Variants in LEKR1 observed in about 807,000 individuals in gnomAD.
LEKR1 encodes the protein protein LEKR1.
A neutral mutation model predicts 72.4 loss-of-function variants in LEKR1; 59 were observed. The observed-to-expected ratio is 0.82, with a 90% CI of 0.66 to 1.01. LEKR1 has a LOEUF of 1.01. LEKR1 is among the 50% of genes least tolerant of loss of function. The pLI is 0.00. For synonymous variants in LEKR1, 257 were observed against 263.2 expected (o/e 0.98, Z 0.23); for missense variants, 728 against 759.2 (o/e 0.96, Z 0.48).
At chr3:156,882,276 A>G (rs1418427916) in intron 3 of LEKR1, among the ~76,000 whole-genome samples, 2 of 151,624 alleles carry the variant, frequency 1.3e-5, no homozygotes, top group Non-Finnish European at 3.0e-5. Context: ...AATATCCAGA[A>G]TCTACAATGA....
At chr3:156,971,129 T>C (rs2107992188) in intron 6 of LEKR1, among the ~76,000 whole-genome samples, 1 of 152,284 alleles carries the variant, frequency 6.6e-6, no homozygotes, top group African/African-American at 2.4e-5. Context: ...ATGGTACTGG[T>C]ACTGAAATAG....
intron 12 of LEKR1, among the ~76,000 whole-genome samples, chr3:157,035,293 G>A (rs2108042817): frequency 6.6e-6 from 1 of 152,180 alleles, no homozygotes; most frequent in Non-Finnish European, 1.5e-5. Context: ...ATGTAAGGGT[G>A]GAATTGAAAA....
chr3:156,998,957 G>T (rs1731799326), intron 9 of LEKR1, among the ~76,000 whole-genome samples: 2 of 152,156 alleles, frequency 1.3e-5, no homozygotes, highest in Non-Finnish European at 2.9e-5. Context: ...GAGGGACCCA[G>T]TGGTGGTGAT....
intron 2 of LEKR1, among the ~76,000 whole-genome samples, chr3:156,846,549 G>A (rs1294783063): frequency 2.6e-5 from 4 of 152,024 alleles, no homozygotes; most frequent in African/African-American, 9.7e-5. Flanking sequence ...GCTTTATGAA[G>A]TAGTCAGGTG....
intron 3 of LEKR1, among the ~76,000 whole-genome samples, chr3:156,884,268 A>G (rs983631841): frequency 2.0e-5 from 3 of 151,988 alleles, no homozygotes; most frequent in South Asian, 4.1e-4. Flanking sequence ...GTCCATTTAC[A>G]TTCAACATTA....
intron 12 of LEKR1, among the ~76,000 whole-genome samples, chr3:157,035,156 A>G (rs756085094): frequency 2.6e-5 from 4 of 152,200 alleles, no homozygotes; most frequent in African/African-American, 4.8e-5. Context: ...GTATGTTGTA[A>G]ACATAATTTT....
intron 3 of LEKR1, among the ~76,000 whole-genome samples, chr3:156,912,976 T>C (rs928860833): frequency 6.6e-6 from 1 of 151,842 alleles, no homozygotes; most frequent in African/African-American, 2.4e-5. Flanking sequence ...TGCAGCCTGC[T>C]GCTTCTTTCA....
intron 3 of LEKR1, among the ~76,000 whole-genome samples, chr3:156,866,438 CTG>C (rs1415647730): frequency 6.6e-6 from 1 of 152,020 alleles, no homozygotes; most frequent in African/African-American, 2.4e-5. Flanking sequence ...GGTGAGATTA[CTG>C]TGAGGATGAG....
chr3:157,041,595 C>T (rs1309539165), intron 12 of LEKR1, among the ~76,000 whole-genome samples: 1 of 152,144 alleles, frequency 6.6e-6, no homozygotes, highest in Non-Finnish European at 1.5e-5. Context: ...AGGTGTGCCT[C>T]TCCTTCTCTC....
At chr3:156,920,346 C>T (rs1159546726) in intron 3 of LEKR1, among the ~76,000 whole-genome samples, 1 of 152,092 alleles carries the variant, frequency 6.6e-6, no homozygotes, top group African/African-American at 2.4e-5. Flanking sequence ...TTCTGCCTCT[C>T]TTCAATATTC....
At chr3:156,973,388 G>T (rs1259521320) in intron 6 of LEKR1, among the ~76,000 whole-genome samples, 1 of 151,978 alleles carries the variant, frequency 6.6e-6, no homozygotes, top group Non-Finnish European at 1.5e-5. Flanking sequence ...ATATATAGAT[G>T]CTATTCGAAG....
rs150555429 is a variant in LEKR1, at chr3:156,956,020, A to G, written c.745+13306A>G. Reference sequence around the variant, plus strand: ...AAGAACAGCATTTGTGAATTTTTTTAGTTAGTCACAATCAGCCAAAACTAA... The same window carrying G: ...AAGAACAGCATTTGTGAATTTTTTTGGTTAGTCACAATCAGCCAAAACTAA... On this transcript the variant is annotated intron_variant, in intron 6 of 12. Coordinates refer to ENST00000356539, the MANE Select transcript of LEKR1 (RefSeq NM_001004316.3). Among the ~76,000 whole-genome samples, 5 of 151,998 alleles carry G rather than the reference A, an allele frequency of 3.3e-5. No homozygotes were observed. In the East Asian group the frequency reaches 9.7e-4, roughly 29 times the overall value.
chr3:157,003,401 A>C (rs755945841), intron 9 of LEKR1, among the ~76,000 whole-genome samples: 2 of 152,196 alleles, frequency 1.3e-5, no homozygotes, highest in Non-Finnish European at 2.9e-5. Context: ...TTAGTGGCTT[A>C]AAATAACACA....
chr3:156,978,345 T>C (rs1729886900), intron 6 of LEKR1, among the ~76,000 whole-genome samples: 1 of 152,206 alleles, frequency 6.6e-6, no homozygotes, highest in South Asian at 2.1e-4. Context: ...CTGAAACACC[T>C]GAACAGATGG....
At chr3:156,862,144 A>G (rs1383439462) in intron 3 of LEKR1, among the ~76,000 whole-genome samples, 8 of 152,084 alleles carry the variant, frequency 5.3e-5, no homozygotes. Flanking sequence ...CCCTTCGTGT[A>G]TAATTATGAT....
chr3:156,906,720 G>A (rs1722566787), intron 3 of LEKR1, among the ~76,000 whole-genome samples: 1 of 152,182 alleles, frequency 6.6e-6, no homozygotes, highest in African/African-American at 2.4e-5. Flanking sequence ...GTATAGCCAA[G>A]TCAGAGTGAA....
intron 3 of LEKR1, among the ~76,000 whole-genome samples, chr3:156,874,686 C>T (rs973070708): frequency 6.6e-6 from 1 of 152,018 alleles, no homozygotes; most frequent in Non-Finnish European, 1.5e-5. Context: ...CCCTCAAGTC[C>T]CTCCTGCTCT....
At chr3:156,953,269 C>T (rs1007141955) in intron 6 of LEKR1, among the ~76,000 whole-genome samples, 1 of 151,464 alleles carries the variant, frequency 6.6e-6, no homozygotes, top group Non-Finnish European at 1.5e-5. Context: ...ACAGTTTCCC[C>T]TATGGTTAAC....
At chr3:156,928,661 G>A (rs1219113703) in intron 5 of LEKR1, among the ~76,000 whole-genome samples, 2 of 151,996 alleles carry the variant, frequency 1.3e-5, no homozygotes, top group East Asian at 3.9e-4. Flanking sequence ...AGAAGTGAAA[G>A]CCAGAGAAAG....
Sources: allele counts gnomAD v4.1 joint callset (sites outside exome capture counted in the v4.1 genomes callset), GRCh38; gene constraint gnomAD v4.1.1; transcripts MANE v1.5; gene names NCBI Gene and HGNC (gene_info 2026-07-23, HGNC 2026-07-21).